ATP11C: variants seen among roughly 807,000 people sequenced by gnomAD.
ATP11C encodes ATPase phospholipid transporting 11C (ATP11C blood group).
ATP11C carries 36 observed loss-of-function variants against 97.4 expected under a neutral mutation model. The ratio of observed to expected loss-of-function variants is 0.37; its 90% CI spans 0.28 to 0.49. The LOEUF is 0.49. Ranked by LOEUF, ATP11C falls within the 20% of genes least tolerant of loss-of-function variation. The pLI is 0.98. For synonymous variants in ATP11C, 275 were observed against 290.9 expected (o/e 0.95, Z 0.56); for missense variants, 730 against 824.6 (o/e 0.89, Z 1.40).
intron 20 of ATP11C, among the ~76,000 whole-genome samples, chrX:139,763,977 C>T (rs2082087699): frequency 1.8e-5 from 2 of 112,140 alleles, no homozygotes; most frequent in South Asian, 7.4e-4. Context: ...TTTTTCATTG[C>T]ATCATGTGTT....
rs912584728 is a variant in ATP11C at position 139,783,191 on chromosome X, A to G, written c.1743T>C (p.Thr581=). 1 of 1,205,467 alleles carries G rather than the reference A, an allele frequency of 8.3e-7. No individual in the cohort carries two copies. The highest frequency in any genetic ancestry group is 2.2e-5 in the Admixed American group (1 of 45,663). ...TTGCATTACGTTCCACATGGACTTT[A>G]GTTAACTCAATTTCATGATTTTGCA... The part of the protein sequence containing the change: ...PRVQNHEIEL[T]KVHVERNAMD... Residue 581 remains threonine, a synonymous_variant, in exon 17 of 30, where the codon ACT becomes ACC. Transcript: ENST00000682941.
rs778734112 is a variant in ATP11C, at chrX:139,732,007, T to C, written c.3289-252A>G. ...CAGACAACAGTAGTATGTAGTAAAC[T>C]TGGGTTTTTGGAATGGCACTGGTAA... On this transcript the variant is annotated intron_variant, in intron 28 of 29. Coordinates refer to ENST00000682941, the MANE Select transcript of ATP11C (RefSeq NM_001353812.2). 8.1e-5 allele frequency among the ~76,000 whole-genome samples: 9 copies of C among 111,565 alleles called. 1 individual carries two copies. The East Asian group carries it at 2.5e-3, about 32-fold the overall frequency.
intron 3 of ATP11C, among the ~76,000 whole-genome samples, chrX:139,817,766 A>C (rs2083316356): frequency 8.9e-6 from 1 of 111,991 alleles, no homozygotes; most frequent in Non-Finnish European, 1.9e-5. Flanking sequence ...TTCTATAAAT[A>C]TTTAGGAGGC....
chrX:139,742,886 T>A (rs1256605505), intron 26 of ATP11C, among the ~76,000 whole-genome samples: 422 of 3,047 alleles, frequency 0.14, 4 homozygotes, highest in African/African-American at 0.17. Flanking sequence ...AATATATATA[T>A]ATATATATAT....
At chrX:139,875,994 C>T (rs1026295893) in intron 1 of ATP11C, among the ~76,000 whole-genome samples, 1 of 111,791 alleles carries the variant, frequency 8.9e-6, no homozygotes, top group African/African-American at 3.3e-5. Flanking sequence ...TGAGTAGCAG[C>T]CTTATACATT....
intron 18 of ATP11C, among the ~76,000 whole-genome samples, chrX:139,779,544 T>C (rs1326924528): frequency 9.0e-6 from 1 of 110,815 alleles, no homozygotes; most frequent in African/African-American, 3.3e-5. Flanking sequence ...CCAAAGAAAA[T>C]AGAGACACAA....
At chrX:139,889,492 G>A (rs1204138143) in intron 1 of ATP11C, among the ~76,000 whole-genome samples, 2 of 111,467 alleles carry the variant, frequency 1.8e-5, no homozygotes, top group Admixed American at 1.9e-4. Context: ...TGATTTCAGT[G>A]GTGATTACAA....
intron 1 of ATP11C, among the ~76,000 whole-genome samples, chrX:139,857,070 C>A: frequency 9.0e-6 from 1 of 111,600 alleles, no homozygotes; most frequent in Admixed American, 9.5e-5. Flanking sequence ...GTTCGGTAAA[C>A]GGAAAGAAAT....
chrX:139,731,843 A>T, intron 28 of ATP11C, 88 bp from the exon 29 acceptor site: 9 of 523,843 alleles, frequency 1.7e-5, no homozygotes, highest in Non-Finnish European at 1.5e-5. Flanking sequence ...GTAAAAGAAA[A>T]AAATCATTTC....
intron 25 of ATP11C, among the ~76,000 whole-genome samples, chrX:139,745,389 G>A (rs1005100953): frequency 2.7e-5 from 3 of 111,581 alleles, no homozygotes; most frequent in South Asian, 3.8e-4. Flanking sequence ...AACTGAATGC[G>A]GCCAGGCTTT....
In ATP11C at chrX:139,800,106, C is replaced by A. The variant is rs1177040233; in HGVS notation, c.664G>T (p.Val222Phe). Residue 222 changes from valine to phenylalanine, a missense_variant, in exon 8 of 30, where the codon GTT (valine) becomes TTT (phenylalanine). Val to Phe is a conservative substitution (Grantham distance 50). Coordinates refer to ENST00000682941, the MANE Select transcript of ATP11C (RefSeq NM_001353812.2). The part of the protein sequence containing the change: ...EQPQPDLYKF[V>F]GRINIYSNSL... ...TTACTGTAGATATTGATTCGCCCAA[C>A]AAATCTGTAAAAAGAACAAAATTGC... 2 of 1,170,033 alleles carry A rather than the reference C, an allele frequency of 1.7e-6. No homozygotes were observed. The highest frequency in any genetic ancestry group is 1.1e-6 in the Non-Finnish European group (1 of 870,492).
intron 19 of ATP11C, among the ~76,000 whole-genome samples, chrX:139,770,123 T>C (rs1274414734): frequency 8.9e-6 from 1 of 111,940 alleles, no homozygotes; most frequent in Non-Finnish European, 1.9e-5. Flanking sequence ...AGCAACTCAA[T>C]AACCAATGAA....
At chrX:139,894,738 G>A (rs774849996) in intron 1 of ATP11C, among the ~76,000 whole-genome samples, 3 of 111,212 alleles carry the variant, frequency 2.7e-5, no homozygotes, top group Non-Finnish European at 3.8e-5. Context: ...AAATATTACA[G>A]GTATCCCAAA....
chrX:139,890,848 T>C (rs1259726568), intron 1 of ATP11C, among the ~76,000 whole-genome samples: 1 of 110,762 alleles, frequency 9.0e-6, no homozygotes, highest in Non-Finnish European at 1.9e-5. Flanking sequence ...TTTTTCCCCA[T>C]ATACCATTTT....
intron 1 of ATP11C, chrX:139,832,252 A>G (rs2083667340): frequency 8.4e-7 from 1 of 1,196,888 alleles, no homozygotes; most frequent in Non-Finnish European, 1.1e-6. Flanking sequence ...GCTGCAGATT[A>G]TCAAGCAACT....
At chrX:139,782,213 G>A (rs2148716199) in intron 18 of ATP11C, among the ~76,000 whole-genome samples, 1 of 109,106 alleles carries the variant, frequency 9.2e-6, no homozygotes, top group East Asian at 2.9e-4. Context: ...TGTAGTCCCA[G>A]CTACCCTGGA....
chrX:139,916,310 A>G (rs1372575799), intron 1 of ATP11C, among the ~76,000 whole-genome samples: 1 of 111,183 alleles, frequency 9.0e-6, no homozygotes, highest in Non-Finnish European at 1.9e-5. Flanking sequence ...ATAAATGGGA[A>G]GATTAGAAAT....
chrX:139,888,786 T>G (rs1355887874), intron 1 of ATP11C, among the ~76,000 whole-genome samples: 3 of 109,507 alleles, frequency 2.7e-5, no homozygotes. Flanking sequence ...AAACAGGATA[T>G]ACATCTACAC....
At chrX:139,854,886 G>T (rs1288512444) in intron 1 of ATP11C, among the ~76,000 whole-genome samples, 3 of 111,389 alleles carry the variant, frequency 2.7e-5, no homozygotes, top group Non-Finnish European at 5.7e-5. Flanking sequence ...AGGTTGAAAG[G>T]GTATCATCCA....
Sources: gnomAD v4.1 joint callset for allele counts (sites outside exome capture counted in the v4.1 genomes callset) on GRCh38, gnomAD v4.1.1 for gene constraint, MANE v1.5 for transcripts, NCBI Gene and HGNC (gene_info 2026-07-23, HGNC 2026-07-21) for gene names.